Variants in DNAAF11 observed in about 807,000 individuals in gnomAD.
The protein encoded by DNAAF11 is dynein axonemal assembly factor 11.
In DNAAF11, 45 loss-of-function variants were observed where a neutral mutation model predicts 60.8. The observed-to-expected ratio is 0.74, with a 90% CI of 0.58 to 0.95. The LOEUF is 0.95. Ranked by LOEUF, DNAAF11 falls within the 40% of genes least tolerant of loss-of-function variation. The pLI, the probability that DNAAF11 is intolerant of heterozygous loss-of-function variation, is 0.00. For missense variants in DNAAF11, 546 were observed against 546.2 expected, an observed-to-expected ratio of 1.00 and a Z score of 0.00; for synonymous variants, 191 against 183.5, an observed-to-expected ratio of 1.04 and a Z score of -0.33.
chr8:132,645,327 T>A (rs896959961), intron 3 of DNAAF11, among the ~76,000 whole-genome samples: 1 of 152,236 alleles, frequency 6.6e-6, no homozygotes, highest in East Asian at 1.9e-4. Context: ...CAAAACCCCA[T>A]CTGTACGTCA....
At chr8:132,672,195 C>A (rs1345391785) in intron 1 of DNAAF11, among the ~76,000 whole-genome samples, 1 of 152,076 alleles carries the variant, frequency 6.6e-6, no homozygotes, top group East Asian at 1.9e-4. Context: ...GAAGACATTT[C>A]ACCAAAGAAG....
chr8:132,600,085 CAAAATCAATGTGCA>C (rs1817450365), intron 10 of DNAAF11, among the ~76,000 whole-genome samples: 1 of 152,188 alleles, frequency 6.6e-6, no homozygotes, highest in South Asian at 2.1e-4. Flanking sequence ...TCTCAGGATA[CAAAATCAATGTGCA>C]AAAATCACAA....
At chr8:132,602,181 T>A (rs1817695424) in intron 10 of DNAAF11, among the ~76,000 whole-genome samples, 1 of 152,168 alleles carries the variant, frequency 6.6e-6, no homozygotes, top group Non-Finnish European at 1.5e-5. Flanking sequence ...CATTTTTATT[T>A]CATTCATTTT....
chr8:132,586,071 TAAG>T (rs1815856509), intron 10 of DNAAF11, among the ~76,000 whole-genome samples: 1 of 152,118 alleles, frequency 6.6e-6, no homozygotes, highest in South Asian at 2.1e-4. Flanking sequence ...AAAATAGAAT[TAAG>T]AAGATATTTT....
chr8:132,650,410 C>T (rs1822885824), intron 3 of DNAAF11, among the ~76,000 whole-genome samples: 1 of 152,074 alleles, frequency 6.6e-6, no homozygotes, highest in Non-Finnish European at 1.5e-5. Flanking sequence ...GGAGATATAC[C>T]TAATGTAAAT....
At chr8:132,588,416 C>T (rs1215519175) in intron 10 of DNAAF11, among the ~76,000 whole-genome samples, 8 of 152,196 alleles carry the variant, frequency 5.3e-5, no homozygotes, top group African/African-American at 1.9e-4. Flanking sequence ...CTTTCTCCCA[C>T]AGTTTCAACT....
chr8:132,615,698 G>A (rs544690539), intron 7 of DNAAF11, among the ~76,000 whole-genome samples: 8 of 152,250 alleles, frequency 5.3e-5, no homozygotes, highest in Admixed American at 4.6e-4. Context: ...TTCTCTGCAC[G>A]AGCCTGGCTA....
intron 1 of DNAAF11, among the ~76,000 whole-genome samples, chr8:132,662,345 T>C (rs546982527): frequency 6.6e-6 from 1 of 152,130 alleles, no homozygotes; most frequent in Non-Finnish European, 1.5e-5. Context: ...AGACTGGACA[T>C]AGCACTATCT....
At chr8:132,624,326 C>T (rs1238678026) in intron 6 of DNAAF11, among the ~76,000 whole-genome samples, 1 of 152,114 alleles carries the variant, frequency 6.6e-6, no homozygotes, top group Admixed American at 6.6e-5. Context: ...AAGTTAGGTA[C>T]TTGCCAACAT....
chr8:132,638,108 C>T lies in DNAAF11; in HGVS notation c.257-1G>A. On this transcript the variant is annotated splice_acceptor_variant, in intron 3 of 11. Transcript: ENST00000620350. LOFTEE classifies it high-confidence loss of function. Reference sequence around the variant, plus strand: ...TCAAGTTTTGCCAGCTCTTCACATCCTGTTGAGAAAAATAAAGTGAAAACA... The same window carrying T: ...TCAAGTTTTGCCAGCTCTTCACATCTTGTTGAGAAAAATAAAGTGAAAACA... The T allele has an allele frequency of 6.2e-7, 1 of 1,610,852 alleles. No homozygotes were observed. The highest frequency in any genetic ancestry group is 2.2e-5 in the East Asian group (1 of 44,844).
chr8:132,627,137 A>C (rs1361462157), intron 5 of DNAAF11, among the ~76,000 whole-genome samples: 1 of 152,234 alleles, frequency 6.6e-6, no homozygotes. Context: ...AGAATAATCT[A>C]TGAAGGGTAT....
intron 1 of DNAAF11, among the ~76,000 whole-genome samples, chr8:132,661,982 C>T (rs532042646): frequency 6.6e-6 from 1 of 152,144 alleles, no homozygotes; most frequent in Non-Finnish European, 1.5e-5. Context: ...ATGAGATCCA[C>T]TAACTAATCT....
intron 1 of DNAAF11, among the ~76,000 whole-genome samples, chr8:132,667,364 C>T (rs900834447): frequency 2.0e-5 from 3 of 152,102 alleles, no homozygotes; most frequent in Non-Finnish European, 4.4e-5. Flanking sequence ...TAGCACAGTG[C>T]CTGGTATACA....
At chr8:132,699,723 A>C in the DNAAF11 span, among the ~76,000 whole-genome samples, 1 of 152,174 alleles carries the variant, frequency 6.6e-6, no homozygotes, top group Admixed American at 6.5e-5. Flanking sequence ...ATGAATAAAC[A>C]AAATGTGTTA....
chr8:132,648,891 C>T (rs1822694811), intron 3 of DNAAF11, among the ~76,000 whole-genome samples: 2 of 152,328 alleles, frequency 1.3e-5, no homozygotes, highest in South Asian at 4.1e-4. Context: ...ACATTCCATG[C>T]TCATGGATAG....
At chr8:132,702,456 G>A in the DNAAF11 span, among the ~76,000 whole-genome samples, 38 of 152,228 alleles carry the variant, frequency 2.5e-4, no homozygotes, top group African/African-American at 4.8e-4. Context: ...TAACACGGCC[G>A]CAGCTAAGCC....
At chr8:132,685,171 G>A in the DNAAF11 span, 1 of 152,208 alleles carries the variant, frequency 6.6e-6, no homozygotes, top group Non-Finnish European at 1.5e-5. Flanking sequence ...TCTGAGAAGT[G>A]AGTAAACAAT....
intron 10 of DNAAF11, among the ~76,000 whole-genome samples, chr8:132,584,016 CA>C (rs1159826626): frequency 3.9e-5 from 6 of 152,058 alleles, no homozygotes; most frequent in African/African-American, 1.4e-4. Context: ...AAAGGCCAAG[CA>C]GGAGATATGG....
Position 132,638,100 on chromosome 8 carries a change from T to A in DNAAF11, c.264A>T (p.Glu88Asp), listed in dbSNP as rs909821494. The change falls in exon 4 of 12, where the codon GAA becomes GAT. Residue 88 changes from glutamate (E) to aspartate (D), a missense_variant. By Grantham distance (45) the Glu-to-Asp change is conservative. Coordinates refer to ENST00000620350, the MANE Select transcript of DNAAF11 (RefSeq NM_012472.6). ...CAGTCAGGTCAAGTTTTGCCAGCTC[T>A]TCACATCCTGTTGAGAAAAATAAAG... Reference protein sequence around the residue: ...IEKIENLEGCEELAKLDLTVN... With the variant: ...IEKIENLEGCDELAKLDLTVN... The A allele has an allele frequency of 1.9e-6, 3 of 1,610,510 alleles. No individual in the cohort carries two copies. Among genetic ancestry groups the A allele is most frequent in the Non-Finnish European group, 2.5e-6 (3 of 1,177,940 alleles).
Sources: gnomAD v4.1 joint callset for allele counts (sites outside exome capture counted in the v4.1 genomes callset) on GRCh38, gnomAD v4.1.1 for gene constraint, MANE v1.5 for transcripts, NCBI Gene and HGNC (gene_info 2026-07-23, HGNC 2026-07-21) for gene names.